MCMDC2: variants seen among roughly 807,000 people sequenced by gnomAD.
MCMDC2 encodes the protein minichromosome maintenance domain containing 2.
A neutral mutation model predicts 75.8 loss-of-function variants in MCMDC2; 54 were observed. The observed-to-expected ratio is 0.71, with a 90% confidence interval of 0.57 to 0.89. The LOEUF (loss-of-function observed/expected upper bound fraction) is 0.89, where lower values mean the gene tolerates loss of function less well. MCMDC2 is among the 40% of genes least tolerant of loss of function. MCMDC2 has a pLI of 0.00. For synonymous variants in MCMDC2, 249 were observed against 274.6 expected (o/e 0.91, Z 0.92); for missense variants, 656 against 780.4 (o/e 0.84, Z 1.90).
chr8:66,877,478 A>T lies in MCMDC2; in HGVS notation c.415A>T (p.Thr139Ser), dbSNP rs754261155. The change falls in exon 5 of 15, where the codon ACT becomes TCT. Residue 139 changes from threonine (T) to serine (S), a missense_variant. Transcript: ENST00000422365. ...MMQGIVIAMT[T>S]ITKYTQGARF... ...GCAAGGAATTGTGATTGCAATGACA[A>T]CTATAACCAAGTATACACAAGGGGC... The T allele has an allele frequency of 6.2e-7, 1 of 1,613,342 alleles. No homozygotes were observed. The highest frequency in any genetic ancestry group is 8.5e-7 in the Non-Finnish European group (1 of 1,179,788).
At chr8:66,902,306 G>A (rs893332945) in intron 13 of MCMDC2, among the ~76,000 whole-genome samples, 3 of 151,396 alleles carry the variant, frequency 2.0e-5, no homozygotes, top group African/African-American at 7.3e-5. Context: ...TGGGAGGATT[G>A]CTTGAGCCCA....
At chr8:66,896,465 C>A in intron 11 of MCMDC2, 129 bp downstream of exon 11, 2 of 838,584 alleles carry the variant, frequency 2.4e-6, no homozygotes, top group Non-Finnish European at 3.5e-6. Flanking sequence ...TACATGATGA[C>A]CCAGTTGTTT....
chr8:66,905,393 T>A (rs1812865902), intron 14 of MCMDC2, 58 bp downstream of exon 14: 4 of 1,254,670 alleles, frequency 3.2e-6, no homozygotes, highest in Non-Finnish European at 4.2e-6. Flanking sequence ...CCTTAAATAT[T>A]CTTAGTTGGT....
chr8:66,887,903 T>G (rs76727156), intron 9 of MCMDC2, among the ~76,000 whole-genome samples: 3 of 152,198 alleles, frequency 2.0e-5, no homozygotes, highest in Admixed American at 6.5e-5. Flanking sequence ...GATGTAAATC[T>G]ATTTGAACTC....
At chr8:66,891,498 T>C (rs1277731580) in intron 10 of MCMDC2, among the ~76,000 whole-genome samples, 2 of 152,250 alleles carry the variant, frequency 1.3e-5, no homozygotes, top group African/African-American at 4.8e-5. Context: ...CTATTCCTAA[T>C]TTTCCGAGAG....
At chr8:66,905,067 G>GA (rs1332268615) in intron 13 of MCMDC2, among the ~76,000 whole-genome samples, 159 bp from the exon 14 acceptor site, 2 of 151,688 alleles carry the variant, frequency 1.3e-5, no homozygotes, top group Non-Finnish European at 2.9e-5. Context: ...AGTCGGTGGG[G>GA]AAAAAAAATC....
chr8:66,897,112 G>C (rs1022761236), intron 12 of MCMDC2, among the ~76,000 whole-genome samples, 153 bp downstream of exon 12: 5 of 152,058 alleles, frequency 3.3e-5, no homozygotes, highest in African/African-American at 1.2e-4. Context: ...TTGCATAGAA[G>C]TTATTTAGGG....
chr8:66,887,643 C>CTATT (rs1427682547), intron 9 of MCMDC2, among the ~76,000 whole-genome samples: 4 of 152,072 alleles, frequency 2.6e-5, no homozygotes, highest in African/African-American at 7.2e-5. Flanking sequence ...TTTTAGTTTA[C>CTATT]TATTTATTTA....
In MCMDC2 at chr8:66,921,850, A is replaced by T. The variant is rs1425447461; in HGVS notation, c.*2681A>T. 1 of 152,216 alleles carries T rather than the reference A, an allele frequency of 6.6e-6. No individual in the cohort carries two copies. Among genetic ancestry groups the T allele is most frequent in the East Asian group, 1.9e-4 (1 of 5,192 alleles). 9.4% of individuals were successfully genotyped at this position (152,216 alleles called of 1,614,324 possible). On this transcript the variant is annotated 3_prime_UTR_variant, in exon 15 of 15. Coordinates refer to ENST00000422365, the MANE Select transcript of MCMDC2 (RefSeq NM_173518.5). The stretch of plus-strand genomic sequence containing the variant: ...CAATGAGAATCACCACCCATAAATA[A>T]GCTAATTATTGACAAGATTATAATC...
At position 66,894,702 on chromosome 8, in the gene MCMDC2, TA is replaced by T. The variant is rs1812261096; in HGVS notation, c.1280-1467del. On this transcript the variant is annotated intron_variant, in intron 10 of 14. Coordinates refer to ENST00000422365, the MANE Select transcript of MCMDC2 (RefSeq NM_173518.5). Reference sequence around the variant, plus strand: ...TCAATATAAAATTTTAATTTTTCTTTATTTAGAATGGCAATACTACTATTAC... The same window carrying T: ...TCAATATAAAATTTTAATTTTTCTTTTTTAGAATGGCAATACTACTATTAC... Among the ~76,000 whole-genome samples, 4 of 152,256 alleles carry T rather than the reference TA, an allele frequency of 2.6e-5. No individual in the cohort carries two copies. In the South Asian group the frequency reaches 6.2e-4, roughly 24 times the overall value.
chr8:66,914,833 C>T (rs954287134), intron 14 of MCMDC2, among the ~76,000 whole-genome samples: 6 of 151,970 alleles, frequency 3.9e-5, no homozygotes, highest in South Asian at 2.1e-4. Flanking sequence ...TAGAGATACA[C>T]GTTAGATGCA....
intron 12 of MCMDC2, among the ~76,000 whole-genome samples, chr8:66,900,640 CACTG>C (rs1812615898): frequency 6.6e-6 from 1 of 151,984 alleles, no homozygotes; most frequent in African/African-American, 2.4e-5. Flanking sequence ...AACTAGGAAT[CACTG>C]ACTGTGAAAG....
chr8:66,897,450 A>G (rs1235834875), intron 12 of MCMDC2, among the ~76,000 whole-genome samples: 1 of 151,910 alleles, frequency 6.6e-6, no homozygotes, highest in Non-Finnish European at 1.5e-5. Flanking sequence ...GAAATTATTT[A>G]GAATTATTTA....
chr8:66,922,653 C>A, downstream of MCMDC2: 1 of 372,372 alleles, frequency 2.7e-6, no homozygotes, highest in Non-Finnish European at 5.5e-6. Flanking sequence ...TTTTTCACAA[C>A]CTTCTACAAG....
Position 66,901,174 on chromosome 8 carries a change from C to T in MCMDC2, c.1627-32C>T, listed in dbSNP as rs758043591. 7 of 1,512,192 alleles carry T rather than the reference C, an allele frequency of 4.6e-6. No individual in the cohort carries two copies. The East Asian group carries it at 1.1e-4, about 24-fold the overall frequency. The allele number at this position is 1,512,192 out of a possible 1,614,324, so 93.7% of individuals were successfully genotyped here. A position where few individuals can be genotyped will look rare whatever the true frequency, so the allele number is the denominator to read the frequency against. On this transcript the variant is annotated intron_variant, in intron 12 of 14. Coordinates refer to ENST00000422365, the MANE Select transcript of MCMDC2 (RefSeq NM_173518.5). ...CTGTTATATTGATTCCATAATAAAG[C>T]TTGATTATCTTGGATTTTTCACACT...
Position 66,877,527 on chromosome 8 carries a change from C to T in MCMDC2, c.464C>T (p.Ala155Val). 6.3e-7 allele frequency: 1 copy of T among 1,596,942 alleles called. No individual in the cohort carries two copies. The highest frequency in any genetic ancestry group is 8.5e-7 in the Non-Finnish European group (1 of 1,175,122). Reference protein sequence around the residue: ...QGARFLCSDEACPLSKGFQYI... With the variant: ...QGARFLCSDEVCPLSKGFQYI... Reference sequence around the variant, plus strand: ...GCAAGATTTCTTTGTTCAGATGAAGCATGCCCTCTTTCAAAAGGTAAATGT... The same window carrying T: ...GCAAGATTTCTTTGTTCAGATGAAGTATGCCCTCTTTCAAAAGGTAAATGT... Residue 155 changes from alanine to valine, a missense_variant, in exon 5 of 15, where the codon GCA becomes GTA. Physicochemically the swap from Ala to Val is moderately conservative, Grantham distance 64 (BLOSUM62 0). Coordinates refer to ENST00000422365, the MANE Select transcript of MCMDC2 (RefSeq NM_173518.5).
intron 14 of MCMDC2, among the ~76,000 whole-genome samples, chr8:66,910,743 AG>A (rs1366644037): frequency 6.6e-6 from 1 of 151,808 alleles, no homozygotes; most frequent in Non-Finnish European, 1.5e-5. Flanking sequence ...CGGGAGACGG[AG>A]GTTGTAGTGA....
intron 12 of MCMDC2, among the ~76,000 whole-genome samples, chr8:66,898,078 T>C (rs1444024350): frequency 2.0e-5 from 3 of 152,066 alleles, no homozygotes; most frequent in Non-Finnish European, 4.4e-5. Flanking sequence ...ATATTTATAA[T>C]ATAATAAGGT....
chr8:66,905,923 T>G (rs1342296048), intron 14 of MCMDC2, among the ~76,000 whole-genome samples: 1 of 151,064 alleles, frequency 6.6e-6, no homozygotes, highest in Non-Finnish European at 1.5e-5. Context: ...GAGAATCGTT[T>G]GAAACTGGGA....
Sources: allele counts gnomAD v4.1 joint callset (sites outside exome capture counted in the v4.1 genomes callset), GRCh38; gene constraint gnomAD v4.1.1; transcripts MANE v1.5; gene names NCBI Gene and HGNC (gene_info 2026-07-23, HGNC 2026-07-21).